ZFYVE9: variants seen among roughly 807,000 people sequenced by gnomAD.
ZFYVE9 encodes the protein zinc finger FYVE domain-containing protein 9.
A neutral mutation model predicts 126.7 loss-of-function variants in ZFYVE9; 43 were observed. That is an observed-to-expected ratio of 0.34 (90% CI 0.27 to 0.44). ZFYVE9 has a LOEUF of 0.44. Among genes scored for constraint, ZFYVE9 ranks in the 20% least tolerant of loss-of-function variants. The pLI is 1.00. For synonymous variants in ZFYVE9, 521 were observed against 597.4 expected (o/e 0.87, Z 1.87); for missense variants, 1,476 against 1,697.0 (o/e 0.87, Z 2.29).
At chr1:52,170,649 G>A (rs1325364092) in intron 1 of ZFYVE9, among the ~76,000 whole-genome samples, 1 of 152,050 alleles carries the variant, frequency 6.6e-6, no homozygotes, top group African/African-American at 2.4e-5. Context: ...TGCTTTTGCT[G>A]TATCCCATAG....
At chr1:52,150,720 C>G (rs113037641) in intron 1 of ZFYVE9, among the ~76,000 whole-genome samples, 5,272 of 150,636 alleles carry the variant, frequency 0.035, 339 homozygotes, top group African/African-American at 0.12. Flanking sequence ...TGCAGTGAGC[C>G]GAGATCACGC....
chr1:52,314,676 C>A (rs1054373888), intron 13 of ZFYVE9, among the ~76,000 whole-genome samples: 2 of 152,022 alleles, frequency 1.3e-5, no homozygotes, highest in Non-Finnish European at 2.9e-5. Flanking sequence ...AAAAATTAAC[C>A]GGGTGTGGTG....
At chr1:52,165,052 A>T (rs1644500244) in intron 1 of ZFYVE9, among the ~76,000 whole-genome samples, 1 of 152,178 alleles carries the variant, frequency 6.6e-6, no homozygotes, top group Non-Finnish European at 1.5e-5. Context: ...AATGCCACCA[A>T]ATTGCACACT....
At chr1:52,226,763 G>A (rs114600047) in intron 2 of ZFYVE9, among the ~76,000 whole-genome samples, 1,854 of 152,252 alleles carry the variant, frequency 0.012, 31 homozygotes, top group African/African-American at 0.043. Context: ...CCGGAAAGGC[G>A]GGACAATTCA....
At chr1:52,169,082 CTT>C (rs1644540518) in intron 1 of ZFYVE9, among the ~76,000 whole-genome samples, 1 of 152,090 alleles carries the variant, frequency 6.6e-6, no homozygotes, top group Non-Finnish European at 1.5e-5. Context: ...CTCAGTGAGA[CTT>C]TCTCTGGCTG....
intron 1 of ZFYVE9, among the ~76,000 whole-genome samples, chr1:52,177,716 G>C (rs567951233): frequency 6.6e-6 from 1 of 152,300 alleles, no homozygotes; most frequent in East Asian, 1.9e-4. Context: ...AAATTAACAG[G>C]AGTTCTCCAG....
chr1:52,246,672 C>G (rs189830974), intron 4 of ZFYVE9, among the ~76,000 whole-genome samples: 1 of 146,528 alleles, frequency 6.8e-6, no homozygotes, highest in South Asian at 2.2e-4. Context: ...GCTGGGGCTA[C>G]GAGCATGTGC....
At chr1:52,195,551 A>G (rs1460971827) in intron 1 of ZFYVE9, among the ~76,000 whole-genome samples, 1 of 152,142 alleles carries the variant, frequency 6.6e-6, no homozygotes, top group East Asian at 1.9e-4. Flanking sequence ...AATTATACCC[A>G]CTATTTAGGA....
intron 1 of ZFYVE9, among the ~76,000 whole-genome samples, chr1:52,196,037 C>T (rs891558662): frequency 2.6e-5 from 4 of 152,092 alleles, no homozygotes; most frequent in Admixed American, 1.3e-4. Flanking sequence ...CGTGATCCGC[C>T]TACCTTGGCC....
In ZFYVE9 at chr1:52,340,046, T is replaced by C; in HGVS notation, c.3834-80T>C. The C allele has an allele frequency of 5.2e-6, 6 of 1,157,042 alleles. No homozygotes were observed. In the South Asian group the frequency reaches 7.5e-5, roughly 14 times the overall value. 71.7% of individuals were successfully genotyped at this position (1,157,042 alleles called of 1,614,324 possible). A position where few individuals can be genotyped will look rare whatever the true frequency, so the allele number is the denominator to read the frequency against. On this transcript the variant is annotated intron_variant, in intron 16 of 18. Transcript: ENST00000287727. ...TACCCAGTGTAATTAGCAGGAAGACTTCTGCAGCAAAACGTGATAGGAAAA... is the reference window on the plus strand; with the variant it reads ...TACCCAGTGTAATTAGCAGGAAGACCTCTGCAGCAAAACGTGATAGGAAAA...
chr1:52,318,454 G>A (rs999695253), intron 13 of ZFYVE9, among the ~76,000 whole-genome samples: 5 of 150,846 alleles, frequency 3.3e-5, no homozygotes, highest in Non-Finnish European at 7.4e-5. Flanking sequence ...ACAAGCTAAT[G>A]ATTATCTATG....
chr1:52,234,025 C>T (rs1382503613), intron 3 of ZFYVE9, among the ~76,000 whole-genome samples: 2 of 152,136 alleles, frequency 1.3e-5, no homozygotes, highest in Non-Finnish European at 2.9e-5. Flanking sequence ...AAGCAGTCCT[C>T]CCTCCTCAGC....
intron 1 of ZFYVE9, among the ~76,000 whole-genome samples, chr1:52,166,194 A>G (rs1397261698): frequency 1.3e-5 from 2 of 152,242 alleles, no homozygotes; most frequent in African/African-American, 4.8e-5. Context: ...ATGGCAGTGA[A>G]GAATAAGACT....
intron 5 of ZFYVE9, among the ~76,000 whole-genome samples, chr1:52,265,681 C>A (rs1645626845): frequency 1.3e-5 from 2 of 152,090 alleles, no homozygotes; most frequent in Admixed American, 6.5e-5. Context: ...TTGAGACACA[C>A]CAAAGATGTG....
intron 4 of ZFYVE9, among the ~76,000 whole-genome samples, chr1:52,249,556 T>C (rs892191548): frequency 3.9e-5 from 6 of 152,164 alleles, no homozygotes; most frequent in African/African-American, 9.6e-5. Flanking sequence ...ACATAAATGA[T>C]TTGCAGATAT....
At chr1:52,308,635 C>A (rs918929687) in intron 13 of ZFYVE9, among the ~76,000 whole-genome samples, 18 of 152,112 alleles carry the variant, frequency 1.2e-4, no homozygotes, top group African/African-American at 3.9e-4. Flanking sequence ...TTGATTCATA[C>A]TTCCCCTACT....
intron 1 of ZFYVE9, chr1:52,190,440 T>A (rs1264002393): frequency 1.3e-5 from 2 of 152,208 alleles, no homozygotes; most frequent in African/African-American, 4.8e-5. Context: ...TTATTGTGCA[T>A]CAAAATTATG....
In ZFYVE9 at chr1:52,146,211, A is replaced by G. The variant is rs557811225; in HGVS notation, c.-143+3808A>G. Among the ~76,000 whole-genome samples, 67 of 152,296 alleles carry G rather than the reference A, an allele frequency of 4.4e-4. 1 individual carries two copies. In the South Asian group the frequency reaches 0.012, roughly 28 times the overall value. Reference sequence around the variant, plus strand: ...GGATGTTCATAGGTTATATGCAAATACTGTGCCATTTTATATAAGGGATTT... The same window carrying G: ...GGATGTTCATAGGTTATATGCAAATGCTGTGCCATTTTATATAAGGGATTT... On this transcript the variant is annotated intron_variant, in intron 1 of 18. Coordinates refer to ENST00000287727, the MANE Select transcript of ZFYVE9 (RefSeq NM_004799.4).
chr1:52,292,452 T>A (rs1323702274), intron 10 of ZFYVE9, among the ~76,000 whole-genome samples: 1 of 150,722 alleles, frequency 6.6e-6, no homozygotes, highest in Non-Finnish European at 1.5e-5. Flanking sequence ...GACAGCAGCT[T>A]CCTAATCTGA....
Sources: allele counts gnomAD v4.1 joint callset (sites outside exome capture counted in the v4.1 genomes callset), GRCh38; gene constraint gnomAD v4.1.1; transcripts MANE v1.5; gene names NCBI Gene and HGNC (gene_info 2026-07-23, HGNC 2026-07-21).